Variants in ADGB observed in about 807,000 individuals in gnomAD.
The protein encoded by ADGB is androglobin, also known as calpain-7-like protein.
In ADGB, 172 loss-of-function variants were observed where a neutral mutation model predicts 210.5. The ratio of observed to expected loss-of-function variants is 0.82; its 90% CI spans 0.72 to 0.93. The LOEUF is 0.93. Among genes scored for constraint, ADGB ranks in the 40% least tolerant of loss-of-function variants. ADGB has a pLI of 0.00. For missense variants in ADGB, 2,025 were observed against 1,964.8 expected (o/e 1.03, Z -0.58); for synonymous variants, 658 against 662.7 (o/e 0.99, Z 0.11).
chr6:146,709,112 A>G (rs1197821753), intron 13 of ADGB, among the ~76,000 whole-genome samples: 1 of 152,066 alleles, frequency 6.6e-6, no homozygotes, highest in African/African-American at 2.4e-5. Context: ...TTAGTTGTTC[A>G]TTGTTTTCCA....
rs116001302 is a variant in ADGB at position 146,794,158 on chromosome 6, T to G, written c.4537+5548T>G. ...CTGGGGTAATGTTAATGTTGGCGATTAGGAAGACTAAGGTACAGGTGCATG... is the reference window on the plus strand; with the variant it reads ...CTGGGGTAATGTTAATGTTGGCGATGAGGAAGACTAAGGTACAGGTGCATG... On this transcript the variant is annotated intron_variant, in intron 33 of 35. Coordinates refer to ENST00000397944, the MANE Select transcript of ADGB (RefSeq NM_024694.4). Among the ~76,000 whole-genome samples the G allele has an allele frequency of 6.2e-3, 941 of 152,236 alleles. 10 individuals are homozygous for G. The highest frequency in any genetic ancestry group is 0.022 in the African/African-American group (897 of 41,528).
Position 146,691,451 on chromosome 6 carries a change from T to TAAAATATAAA in ADGB, c.1486+162_1486+163insAAATATAAAA, listed in dbSNP as rs1368330327. Among the ~76,000 whole-genome samples the TAAAATATAAA allele has an allele frequency of 1.7e-3, 33 of 19,956 alleles. 3 individuals carry two copies. The highest frequency in any genetic ancestry group is 9.2e-3 in the African/African-American group (31 of 3,386). 13.1% of individuals were successfully genotyped at this position (19,956 alleles called of 152,430 possible). A position where few individuals can be genotyped will look rare whatever the true frequency, so the allele number is the denominator to read the frequency against. On this transcript the variant is annotated intron_variant, in intron 11 of 35. Transcript: ENST00000397944. ...ATATATATATATATATAAAAATATA[T>TAAAATATAAA]ATATATAAAAATATATATATATATA...
At chr6:146,745,664 G>T (rs913260986) in intron 25 of ADGB, among the ~76,000 whole-genome samples, 57 of 152,288 alleles carry the variant, frequency 3.7e-4, no homozygotes, top group African/African-American at 1.3e-3. Flanking sequence ...ATCATCTATT[G>T]TAGTTAAGCA....
At chr6:146,685,203 G>A (rs527720658) in intron 9 of ADGB, among the ~76,000 whole-genome samples, 4 of 151,858 alleles carry the variant, frequency 2.6e-5, no homozygotes, top group African/African-American at 9.7e-5. Context: ...AATAAGCAAC[G>A]CTTAAAAGCA....
At chr6:146,696,859 T>C (rs1434064848) in intron 12 of ADGB, among the ~76,000 whole-genome samples, 1 of 152,182 alleles carries the variant, frequency 6.6e-6, no homozygotes, top group Admixed American at 6.5e-5. Flanking sequence ...TAATTTTTTT[T>C]CTTGTTTCTA....
At chr6:146,634,365 C>T (rs1465748497) in intron 1 of ADGB, among the ~76,000 whole-genome samples, 1 of 152,038 alleles carries the variant, frequency 6.6e-6, no homozygotes, top group East Asian at 1.9e-4. Flanking sequence ...GTATATTTTA[C>T]TTAATTTATG....
intron 1 of ADGB, among the ~76,000 whole-genome samples, chr6:146,615,123 G>A (rs979119316): frequency 6.6e-6 from 1 of 151,812 alleles, no homozygotes; most frequent in Non-Finnish European, 1.5e-5. Context: ...AGCCAGGATG[G>A]TCTCGATCTC....
At chr6:146,763,061 C>T (rs1439243401) in intron 27 of ADGB, among the ~76,000 whole-genome samples, 1 of 152,152 alleles carries the variant, frequency 6.6e-6, no homozygotes, top group African/African-American at 2.4e-5. Context: ...CCCACTCACC[C>T]ATCTTTGTTT....
At chr6:146,808,001 T>TG (rs1486497231) in intron 35 of ADGB, among the ~76,000 whole-genome samples, 1 of 145,676 alleles carries the variant, frequency 6.9e-6, no homozygotes, top group Non-Finnish European at 1.5e-5. Flanking sequence ...AGTTTTTTTT[T>TG]TTTTTTTTTT....
intron 12 of ADGB, among the ~76,000 whole-genome samples, chr6:146,699,062 A>C (rs976599111): frequency 2.6e-5 from 4 of 152,194 alleles, no homozygotes; most frequent in Non-Finnish European, 4.4e-5. Flanking sequence ...ATCATGCTTA[A>C]GCTACCCATT....
At chr6:146,806,736 C>T (rs1190420456) in intron 35 of ADGB, among the ~76,000 whole-genome samples, 4 of 152,146 alleles carry the variant, frequency 2.6e-5, no homozygotes, top group African/African-American at 9.7e-5. Context: ...TGGCCACTTC[C>T]CTTTCAAGAG....
chr6:146,636,209 A>C (rs1000431674), intron 2 of ADGB, among the ~76,000 whole-genome samples: 1 of 152,070 alleles, frequency 6.6e-6, no homozygotes, highest in South Asian at 2.1e-4. Flanking sequence ...GGGTGCAACA[A>C]TTCATTTAAA....
chr6:146,720,423 T>C (rs1776796182), intron 16 of ADGB, among the ~76,000 whole-genome samples: 1 of 152,212 alleles, frequency 6.6e-6, no homozygotes, highest in Non-Finnish European at 1.5e-5. Flanking sequence ...CGAAATTATA[T>C]ACATGTAACG....
At chr6:146,769,174 T>C (rs1777618370) in intron 29 of ADGB, 43 bp downstream of exon 29, 2 of 926,196 alleles carry the variant, frequency 2.2e-6, no homozygotes. Context: ...TACATTTGAA[T>C]AAGTTGATAT....
chr6:146,620,969 A>G (rs1780882675), intron 1 of ADGB, among the ~76,000 whole-genome samples: 1 of 152,146 alleles, frequency 6.6e-6, no homozygotes. Context: ...ACTCTTAAAC[A>G]CTGCTCTACT....
At chr6:146,775,863 G>A (rs1280234071) in intron 29 of ADGB, among the ~76,000 whole-genome samples, 2 of 151,604 alleles carry the variant, frequency 1.3e-5, no homozygotes, top group Non-Finnish European at 2.9e-5. Flanking sequence ...TATTTATCAA[G>A]TATAACTGTA....
chr6:146,657,114 C>G (rs1254539245), intron 5 of ADGB, 134 bp downstream of exon 5: 2 of 760,526 alleles, frequency 2.6e-6, no homozygotes, highest in Non-Finnish European at 2.1e-6. Context: ...CACCTGAGAT[C>G]AGGAGTTCGC....
chr6:146,610,526 A>G (rs913884670), intron 1 of ADGB, among the ~76,000 whole-genome samples: 2 of 152,080 alleles, frequency 1.3e-5, no homozygotes, highest in Non-Finnish European at 2.9e-5. Flanking sequence ...TTTCTTTTAT[A>G]TTCTTTGAAG....
At chr6:146,721,663 C>A (rs1338498159) in intron 17 of ADGB, among the ~76,000 whole-genome samples, 158 bp downstream of exon 17, 1 of 139,342 alleles carries the variant, frequency 7.2e-6, no homozygotes, top group Non-Finnish European at 1.6e-5. Context: ...CATGGTGAAA[C>A]CTTGTCTCTA....
Sources: gnomAD v4.1 joint callset for allele counts (sites outside exome capture counted in the v4.1 genomes callset) on GRCh38, gnomAD v4.1.1 for gene constraint, MANE v1.5 for transcripts, NCBI Gene and HGNC (gene_info 2026-07-23, HGNC 2026-07-21) for gene names.